KATNAL1: variants seen among roughly 807,000 people sequenced by gnomAD.
KATNAL1 encodes the protein katanin p60 ATPase-containing subunit A-like 1.
KATNAL1 carries 32 observed loss-of-function variants against 55.2 expected under a neutral mutation model. The ratio of observed to expected loss-of-function variants is 0.58; its 90% CI spans 0.44 to 0.78. The LOEUF (loss-of-function observed/expected upper bound fraction) is 0.78, where lower values mean the gene tolerates loss of function less well. Among genes scored for constraint, KATNAL1 ranks in the 30% least tolerant of loss-of-function variants. The pLI is 0.00. For missense variants in KATNAL1, 466 were observed against 600.9 expected (o/e 0.78, Z 2.35); for synonymous variants, 193 against 193.6 (o/e 1.00, Z 0.02).
rs1484807296 is a variant in KATNAL1 at position 30,203,784 on chromosome 13, T to C, written c.*4756A>G. 6.6e-6 allele frequency: 1 copy of C among 152,164 alleles called. No individual in the cohort carries two copies. The highest frequency in any genetic ancestry group is 1.5e-5 in the Non-Finnish European group (1 of 68,020). 9.4% of individuals were successfully genotyped at this position (152,164 alleles called of 1,614,324 possible). On this transcript the variant is annotated 3_prime_UTR_variant, in exon 11 of 11. Coordinates refer to ENST00000380615, the MANE Select transcript of KATNAL1 (RefSeq NM_032116.5). ...AACCTAATAAAAATTCAAAGATCTA[T>C]TTGTTAATGAGGTGAATGTTTAAAA...
chr13:30,275,077 T>C (rs766863215), intron 3 of KATNAL1, among the ~76,000 whole-genome samples: 6 of 152,182 alleles, frequency 3.9e-5, no homozygotes, highest in Non-Finnish European at 8.8e-5. Context: ...TGTTTTTTGT[T>C]TGTTTTTGTT....
chr13:30,302,556 A>G (rs1882922837), intron 1 of KATNAL1, among the ~76,000 whole-genome samples: 1 of 152,224 alleles, frequency 6.6e-6, no homozygotes, highest in African/African-American at 2.4e-5. Context: ...ACATATAAAG[A>G]CACTCACAGA....
chr13:30,210,576 T>A, intron 9 of KATNAL1, 134 bp from the exon 10 acceptor site: 1 of 593,532 alleles, frequency 1.7e-6, no homozygotes, highest in Non-Finnish European at 2.8e-6. Context: ...TCCATTAGTA[T>A]TATTACCAAT....
At chr13:30,240,637 T>A in intron 5 of KATNAL1, 72 bp from the exon 6 acceptor site, 1 of 1,037,500 alleles carries the variant, frequency 9.6e-7, no homozygotes, top group Non-Finnish European at 1.4e-6. Flanking sequence ...CTAATTCTTT[T>A]AATTTTTTTT....
intron 1 of KATNAL1, among the ~76,000 whole-genome samples, chr13:30,295,570 C>T (rs995036978): frequency 2.6e-5 from 4 of 151,904 alleles, no homozygotes; most frequent in Admixed American, 2.0e-4. Flanking sequence ...TCAAGACCAG[C>T]CTGGGCAACA....
At position 30,205,778 on chromosome 13, in the gene KATNAL1, G is replaced by C. The variant is rs1873066157; in HGVS notation, c.*2762C>G. The C allele has an allele frequency of 6.5e-6, 1 of 154,926 alleles. No individual in the cohort carries two copies. Among genetic ancestry groups the C allele is most frequent in the Non-Finnish European group, 1.4e-5 (1 of 71,196 alleles). The allele number at this position is 154,926 out of a possible 1,614,324, so 9.6% of individuals were successfully genotyped here. On this transcript the variant is annotated 3_prime_UTR_variant, in exon 11 of 11. Coordinates refer to ENST00000380615, the MANE Select transcript of KATNAL1 (RefSeq NM_032116.5). ...TGTGTGTGTGTGTGTGTGTGTGTGTGTGTGTGTGTGTCTCACGCCTATAAG... is the reference window on the plus strand; with the variant it reads ...TGTGTGTGTGTGTGTGTGTGTGTGTCTGTGTGTGTGTCTCACGCCTATAAG...
At chr13:30,218,227 T>TATATATATATATATATAA (rs1555258842) in intron 9 of KATNAL1, among the ~76,000 whole-genome samples, 177 of 145,248 alleles carry the variant, frequency 1.2e-3, no homozygotes, top group African/African-American at 4.0e-3. Flanking sequence ...TATATATATA[T>TATATATATATATATATAA]AAAGGACCTG....
intron 1 of KATNAL1, among the ~76,000 whole-genome samples, chr13:30,301,858 T>C (rs891796856): frequency 3.9e-5 from 6 of 152,204 alleles, no homozygotes; most frequent in Admixed American, 2.6e-4. Flanking sequence ...CTGTATTTTA[T>C]GAAGTATGTA....
chr13:30,263,597 C>T (rs1216151119), intron 3 of KATNAL1, among the ~76,000 whole-genome samples: 1 of 152,098 alleles, frequency 6.6e-6, no homozygotes, highest in South Asian at 2.1e-4. Flanking sequence ...CATGAGAGAA[C>T]CAAATCATGA....
rs1035751633 is a variant in KATNAL1 at position 30,213,199 on chromosome 13, T to C, written c.1148-2757A>G. On this transcript the variant is annotated intron_variant, in intron 9 of 10. Transcript: ENST00000380615. ...AGAAATGGATAAATTCCTCGACACA[T>C]ACACCCTCCCAAGACTAAACCAGGA... 5.3e-5 allele frequency among the ~76,000 whole-genome samples: 8 copies of C among 152,164 alleles called. No homozygotes were observed. In the East Asian group the frequency reaches 1.5e-3, roughly 29 times the overall value.
chr13:30,279,669 A>G (rs1172977620), intron 3 of KATNAL1, among the ~76,000 whole-genome samples: 2 of 152,184 alleles, frequency 1.3e-5, no homozygotes, highest in African/African-American at 4.8e-5. Context: ...AACTCTGGAA[A>G]TTGACTGTAG....
intron 3 of KATNAL1, among the ~76,000 whole-genome samples, chr13:30,278,526 T>C (rs1381338346): frequency 6.6e-6 from 1 of 152,212 alleles, no homozygotes. Context: ...TAGTCATCAA[T>C]GGGAAAATGT....
intron 1 of KATNAL1, chr13:30,296,516 C>A: frequency 1.4e-6 from 1 of 734,238 alleles, no homozygotes; most frequent in South Asian, 1.4e-5. Context: ...GCATTGCCTA[C>A]TGGGGCCTCT....
intron 6 of KATNAL1, among the ~76,000 whole-genome samples, chr13:30,233,779 C>T (rs1031603159): frequency 2.6e-5 from 4 of 152,092 alleles, no homozygotes; most frequent in African/African-American, 9.7e-5. Flanking sequence ...AGAATAAAAT[C>T]GTGTCATTTA....
rs148598743 is a variant in KATNAL1 at position 30,207,353 on chromosome 13, G to T, written c.*1187C>A. The T allele has an allele frequency of 6.6e-6, 1 of 152,164 alleles. No individual in the cohort carries two copies. 9.4% of individuals were successfully genotyped at this position (152,164 alleles called of 1,614,324 possible). ...TATCTTTATCTTAGTGTGTGTAAAA[G>T]TTCTCAACCTAGACAAGGACAAATT... On this transcript the variant is annotated 3_prime_UTR_variant, in exon 11 of 11. Transcript: ENST00000380615.
intron 3 of KATNAL1, among the ~76,000 whole-genome samples, chr13:30,269,121 T>G (rs1237959771): frequency 6.6e-6 from 1 of 152,104 alleles, no homozygotes; most frequent in African/African-American, 2.4e-5. Flanking sequence ...ATGGTCTCCC[T>G]CTGATGCCGA....
chr13:30,231,259 G>C (rs1011455017), intron 7 of KATNAL1, 55 bp downstream of exon 7: 4 of 1,388,212 alleles, frequency 2.9e-6, no homozygotes, highest in African/African-American at 2.9e-5. Context: ...CTGATTTATG[G>C]GGGCATCATA....
intron 3 of KATNAL1, among the ~76,000 whole-genome samples, chr13:30,258,142 A>G (rs1010090354): frequency 6.6e-6 from 1 of 152,240 alleles, no homozygotes; most frequent in African/African-American, 2.4e-5. Flanking sequence ...AGCTTACGGC[A>G]CTTCAAATTT....
Position 30,210,735 on chromosome 13 carries a change from T to G in KATNAL1, c.1148-293A>C, listed in dbSNP as rs192401382. Reference sequence around the variant, plus strand: ...ATACCTACTATGAGAACAAAGAATCTGAGATTCTTCATGAAAAATATAAAT... The same window carrying G: ...ATACCTACTATGAGAACAAAGAATCGGAGATTCTTCATGAAAAATATAAAT... On this transcript the variant is annotated intron_variant, in intron 9 of 10. Coordinates refer to ENST00000380615, the MANE Select transcript of KATNAL1 (RefSeq NM_032116.5). The G allele has an allele frequency of 2.1e-3, 428 of 207,450 alleles. 1 individual carries two copies. The highest frequency in any genetic ancestry group is 0.014 in the Admixed American group (232 of 16,908). The allele number at this position is 207,450 out of a possible 1,614,324, so 12.9% of individuals were successfully genotyped here.
Sources: gnomAD v4.1 joint callset for allele counts (sites outside exome capture counted in the v4.1 genomes callset) on GRCh38, gnomAD v4.1.1 for gene constraint, MANE v1.5 for transcripts, NCBI Gene and HGNC (gene_info 2026-07-23, HGNC 2026-07-21) for gene names.